The following KIF6 variants were observed in gnomAD, a reference collection of about 807,000 sequenced individuals.
KIF6 encodes kinesin family member 6, also known as kinesin-like protein KIF6.
In KIF6, 106 loss-of-function variants were observed where a neutral mutation model predicts 112.7. That is an observed-to-expected ratio of 0.94 (90% CI 0.80 to 1.11). The LOEUF (loss-of-function observed/expected upper bound fraction) is 1.11, where lower values mean the gene tolerates loss of function less well. Ranked by LOEUF, KIF6 falls within the 50% of genes least tolerant of loss-of-function variation. The pLI is 0.00. For synonymous variants in KIF6, 339 were observed against 339.9 expected (o/e 1.00, Z 0.03); for missense variants, 929 against 964.0 (o/e 0.96, Z 0.48).
chr6:39,513,517 C>G (rs1219662080), intron 13 of KIF6, among the ~76,000 whole-genome samples: 1 of 152,192 alleles, frequency 6.6e-6, no homozygotes, highest in Non-Finnish European at 1.5e-5. Flanking sequence ...CACAATTAGT[C>G]AAAACCTCTG....
intron 13 of KIF6, among the ~76,000 whole-genome samples, chr6:39,479,042 ATG>A (rs1774628961): frequency 6.6e-6 from 1 of 151,996 alleles, no homozygotes; most frequent in African/African-American, 2.4e-5. Flanking sequence ...TTCTCCCAGT[ATG>A]TGTGTTGTCC....
chr6:39,443,420 T>C (rs1252053332), intron 13 of KIF6, among the ~76,000 whole-genome samples: 1 of 152,136 alleles, frequency 6.6e-6, no homozygotes, highest in East Asian at 1.9e-4. Context: ...TATAGACTCA[T>C]TTATTTTCAT....
At chr6:39,368,319 T>G (rs372180895) in intron 16 of KIF6, among the ~76,000 whole-genome samples, 82 of 152,284 alleles carry the variant, frequency 5.4e-4, no homozygotes, top group African/African-American at 1.7e-3. Context: ...AATCTACAAC[T>G]CCCACTCCAA....
At chr6:39,538,846 A>G (rs1206800119) in intron 13 of KIF6, among the ~76,000 whole-genome samples, 2 of 149,814 alleles carry the variant, frequency 1.3e-5, no homozygotes, top group Non-Finnish European at 3.0e-5. Flanking sequence ...GACTGGATTA[A>G]GAAAATGTGG....
intron 13 of KIF6, among the ~76,000 whole-genome samples, chr6:39,435,399 G>A (rs1428346101): frequency 4.6e-5 from 7 of 152,024 alleles, no homozygotes; most frequent in Non-Finnish European, 5.9e-5. Context: ...TATTTCAATA[G>A]CTTTAGAGGT....
chr6:39,420,588 T>C (rs1409390925), intron 14 of KIF6, among the ~76,000 whole-genome samples: 1 of 152,214 alleles, frequency 6.6e-6, no homozygotes, highest in Non-Finnish European at 1.5e-5. Flanking sequence ...GAAAATATTT[T>C]CTACCTCACC....
At chr6:39,410,385 G>T (rs1157949446) in intron 15 of KIF6, among the ~76,000 whole-genome samples, 1 of 152,208 alleles carries the variant, frequency 6.6e-6, no homozygotes, top group African/African-American at 2.4e-5. Flanking sequence ...TAGGTGTTGA[G>T]AAAGTTGGTT....
At chr6:39,540,975 G>A (rs191524797) in intron 12 of KIF6, among the ~76,000 whole-genome samples, 2 of 152,326 alleles carry the variant, frequency 1.3e-5, no homozygotes, top group Admixed American at 1.3e-4. Context: ...AGAACTCTAA[G>A]AGATTTTTGT....
At chr6:39,361,906 G>T (rs1201795822) in intron 17 of KIF6, among the ~76,000 whole-genome samples, 1 of 152,188 alleles carries the variant, frequency 6.6e-6, no homozygotes, top group Non-Finnish European at 1.5e-5. Flanking sequence ...CCTACCCATG[G>T]CATGGAGGAG....
intron 3 of KIF6, among the ~76,000 whole-genome samples, chr6:39,667,838 C>T (rs1786570968): frequency 3.3e-5 from 5 of 152,066 alleles, no homozygotes; most frequent in Admixed American, 3.3e-4. Context: ...ATGTCTGTCC[C>T]CTCCAAATCT....
chr6:39,336,287 C>A lies in KIF6; in HGVS notation c.*245G>T. On this transcript the variant is annotated 3_prime_UTR_variant, in exon 23 of 23. Coordinates refer to ENST00000287152, the MANE Select transcript of KIF6 (RefSeq NM_145027.6). ...CCCTGCCCCTAGCACTCTGGCCTTG[C>A]CTGGCCCTGCCAGCAGCTCCAGCAA... 1 of 547,780 alleles carries A rather than the reference C, an allele frequency of 1.8e-6. No homozygotes were observed. The highest frequency in any genetic ancestry group is 3.3e-6 in the Non-Finnish European group (1 of 305,580). The allele number at this position is 547,780 out of a possible 1,614,324, so 33.9% of individuals were successfully genotyped here.
At chr6:39,471,726 C>T (rs1774127561) in intron 13 of KIF6, among the ~76,000 whole-genome samples, 2 of 152,138 alleles carry the variant, frequency 1.3e-5, no homozygotes, top group Non-Finnish European at 2.9e-5. Context: ...AGTGGAACTA[C>T]CTTAGCTCTA....
chr6:39,339,777 A>C (rs1208958486), intron 22 of KIF6, among the ~76,000 whole-genome samples: 1 of 152,180 alleles, frequency 6.6e-6, no homozygotes, highest in East Asian at 1.9e-4. Flanking sequence ...GCAGGGATTT[A>C]AACATTCCAT....
chr6:39,556,160 T>C (rs960265528), intron 10 of KIF6, among the ~76,000 whole-genome samples: 20 of 152,262 alleles, frequency 1.3e-4, no homozygotes, highest in African/African-American at 4.6e-4. Flanking sequence ...CTCTTTAAAT[T>C]CTACATTTAC....
At chr6:39,392,094 C>G (rs1412141090) in intron 15 of KIF6, among the ~76,000 whole-genome samples, 1 of 152,122 alleles carries the variant, frequency 6.6e-6, no homozygotes, top group South Asian at 2.1e-4. Context: ...GGTGTTCTTA[C>G]AATTTGTATT....
chr6:39,491,207 C>T (rs953257558), intron 13 of KIF6, among the ~76,000 whole-genome samples: 1 of 152,048 alleles, frequency 6.6e-6, no homozygotes, highest in Admixed American at 6.6e-5. Context: ...TACTAACTCT[C>T]TTGAAGCCTT....
intron 3 of KIF6, among the ~76,000 whole-genome samples, chr6:39,688,169 T>C (rs1010245325): frequency 6.6e-6 from 1 of 152,104 alleles, no homozygotes; most frequent in Non-Finnish European, 1.5e-5. Flanking sequence ...GGGGGAAACA[T>C]ATTTTGAGTT....
At chr6:39,573,900 G>A (rs1021255906) in intron 10 of KIF6, among the ~76,000 whole-genome samples, 6 of 152,008 alleles carry the variant, frequency 3.9e-5, no homozygotes, top group African/African-American at 1.4e-4. Flanking sequence ...CCCCACTCAG[G>A]GCCTAACATA....
At chr6:39,362,561 A>G in intron 16 of KIF6, 43 bp from the exon 17 acceptor site, 1 of 1,389,560 alleles carries the variant, frequency 7.2e-7, no homozygotes, top group Non-Finnish European at 1.0e-6. Flanking sequence ...AAAGAAGGGT[A>G]AAAGGAAGAG....
Sources: allele counts gnomAD v4.1 joint callset (sites outside exome capture counted in the v4.1 genomes callset), GRCh38; gene constraint gnomAD v4.1.1; transcripts MANE v1.5; gene names NCBI Gene and HGNC (gene_info 2026-07-23, HGNC 2026-07-21).